The following SAMMSON variants were observed in gnomAD, a reference collection of about 807,000 sequenced individuals.
SAMMSON encodes the protein survival associated mitochondrial melanoma specific oncogenic non-coding RNA.
intron 4 of SAMMSON, among the ~76,000 whole-genome samples, chr3:70,162,657 G>A (rs756121214): frequency 6.6e-6 from 1 of 151,762 alleles, no homozygotes; most frequent in Non-Finnish European, 1.5e-5. Flanking sequence ...CAAGTTGGTT[G>A]GTAATAGTGT....
chr3:70,354,219 CT>C (rs2106736384), exon 8 of SAMMSON: 1 of 152,262 alleles, frequency 6.6e-6, no homozygotes, highest in East Asian at 1.9e-4. Flanking sequence ...TAAAAGTACC[CT>C]TCTCTATGGT....
intron 7 of SAMMSON, among the ~76,000 whole-genome samples, chr3:70,328,778 G>A (rs1433844454): frequency 1.3e-5 from 2 of 151,988 alleles, no homozygotes; most frequent in African/African-American, 4.8e-5. Context: ...TGGCTGAATC[G>A]TTTTCCAAAT....
chr3:70,359,122 A>C (rs1702852248), intron 9 of SAMMSON, among the ~76,000 whole-genome samples: 1 of 151,894 alleles, frequency 6.6e-6, no homozygotes, highest in Non-Finnish European at 1.5e-5. Flanking sequence ...CATCATCATC[A>C]ATTTCTCCTC....
chr3:70,371,722 A>G (rs1229648409), intron 9 of SAMMSON, among the ~76,000 whole-genome samples: 2 of 152,092 alleles, frequency 1.3e-5, no homozygotes, highest in African/African-American at 2.4e-5. Context: ...ATCAAATCTA[A>G]GAGTTTCTTC....
rs570282808 is a variant in SAMMSON at position 70,113,089 on chromosome 3, G to T, written n.507+41524G>T. ...ACAGGATTAGTTTTCACAGATGGCTGAGAATAAAACATATGAAAGGACATA... is the reference window on the plus strand; with the variant it reads ...ACAGGATTAGTTTTCACAGATGGCTTAGAATAAAACATATGAAAGGACATA... On this transcript the variant is annotated intron_variant and non_coding_transcript_variant, in intron 4 of 9. Coordinates refer to ENST00000642114, the Ensembl canonical transcript of SAMMSON. 2.6e-5 allele frequency among the ~76,000 whole-genome samples: 4 copies of T among 152,250 alleles called. No homozygotes were observed. The East Asian group carries it at 7.7e-4, about 29-fold the overall frequency.
intron 4 of SAMMSON, among the ~76,000 whole-genome samples, chr3:70,144,052 G>A (rs1391030670): frequency 1.3e-5 from 2 of 152,036 alleles, no homozygotes; most frequent in African/African-American, 4.8e-5. Flanking sequence ...AGTATGCATT[G>A]TATGCTAACT....
At chr3:70,309,220 C>T (rs115692007) in intron 7 of SAMMSON, among the ~76,000 whole-genome samples, 248 of 152,118 alleles carry the variant, frequency 1.6e-3, no homozygotes, top group African/African-American at 5.7e-3. Context: ...CACTTAAGAG[C>T]CCTGCAAATT....
chr3:70,001,060 C>T (rs1474588021), intron 1 of SAMMSON, among the ~76,000 whole-genome samples: 1 of 151,964 alleles, frequency 6.6e-6, no homozygotes, highest in Admixed American at 6.6e-5. Context: ...TTCTGCTTGG[C>T]TCTCTGTATG....
At chr3:70,120,530 A>G (rs1337641743) in intron 4 of SAMMSON, 1 of 152,174 alleles carries the variant, frequency 6.6e-6, no homozygotes, top group Non-Finnish European at 1.5e-5. Flanking sequence ...TGCTTCACGC[A>G]TGTACTCTGG....
intron 4 of SAMMSON, among the ~76,000 whole-genome samples, chr3:70,089,066 T>C (rs1224272333): frequency 6.6e-6 from 1 of 152,140 alleles, no homozygotes; most frequent in African/African-American, 2.4e-5. Flanking sequence ...TAAAAATATG[T>C]TTCCTCTGCA....
intron 7 of SAMMSON, chr3:70,332,964 C>T (rs1445982029): frequency 6.6e-6 from 1 of 152,208 alleles, no homozygotes; most frequent in Non-Finnish European, 1.5e-5. Context: ...ACGTCCTCTA[C>T]TTTACCAATA....
At chr3:70,164,609 A>G (rs575735534) in intron 4 of SAMMSON, among the ~76,000 whole-genome samples, 2 of 152,140 alleles carry the variant, frequency 1.3e-5, no homozygotes, top group Non-Finnish European at 2.9e-5. Flanking sequence ...GGTAGTATGC[A>G]TAGTGTTCTG....
intron 7 of SAMMSON, among the ~76,000 whole-genome samples, chr3:70,294,868 G>C (rs113498618): frequency 0.023 from 3,527 of 152,186 alleles, 55 homozygotes; most frequent in Non-Finnish European, 0.035. Context: ...ATCCAAAATA[G>C]GAGACTATCT....
chr3:70,084,521 T>A (rs2067278931), intron 4 of SAMMSON, among the ~76,000 whole-genome samples: 1 of 152,138 alleles, frequency 6.6e-6, no homozygotes, highest in South Asian at 2.1e-4. Context: ...AGAAGACAAT[T>A]TGTTTAGAAG....
intron 4 of SAMMSON, among the ~76,000 whole-genome samples, chr3:70,170,230 A>G (rs1027271247): frequency 6.6e-6 from 1 of 151,920 alleles, no homozygotes; most frequent in African/African-American, 2.4e-5. Flanking sequence ...GAGGATAGAC[A>G]TATTTTGTGC....
intron 9 of SAMMSON, among the ~76,000 whole-genome samples, chr3:70,366,658 G>C (rs1702922754): frequency 6.6e-6 from 1 of 151,366 alleles, no homozygotes; most frequent in Non-Finnish European, 1.5e-5. Flanking sequence ...TTATGTGCAA[G>C]CTTTTGTGTG....
chr3:70,306,164 C>T (rs7432646), intron 7 of SAMMSON, among the ~76,000 whole-genome samples: 46,853 of 151,930 alleles, frequency 0.31, 7,506 homozygotes, highest in East Asian at 0.43. Context: ...AGTGCAATGG[C>T]GTGGTCTCAG....
chr3:70,168,784 T>G (rs913512153), intron 4 of SAMMSON, among the ~76,000 whole-genome samples: 8 of 152,028 alleles, frequency 5.3e-5, no homozygotes, highest in African/African-American at 1.9e-4. Context: ...GCTTATTATG[T>G]TTCTCATCAT....
intron 2 of SAMMSON, among the ~76,000 whole-genome samples, chr3:70,398,022 CA>C (rs1455801836): frequency 2.0e-5 from 3 of 151,912 alleles, no homozygotes; most frequent in Admixed American, 2.0e-4. Context: ...CTTGAATTTC[CA>C]AAACAATTTT....
Sources: allele counts gnomAD v4.1 joint callset (sites outside exome capture counted in the v4.1 genomes callset), GRCh38; gene constraint gnomAD v4.1.1; transcripts MANE v1.5; gene names NCBI Gene and HGNC (gene_info 2026-07-23, HGNC 2026-07-21).